The following SLC15A1 variants were observed in gnomAD, a reference collection of about 807,000 sequenced individuals.
SLC15A1 encodes Caco-2 oligopeptide transporter.
In SLC15A1, 83 loss-of-function variants were observed where a neutral mutation model predicts 92.9. The observed-to-expected ratio is 0.89, with a 90% CI of 0.75 to 1.07. SLC15A1 has a LOEUF of 1.07. Ranked by LOEUF, SLC15A1 falls within the 50% of genes least tolerant of loss-of-function variation. The probability of loss-of-function intolerance (pLI) is 0.00; values close to 1 mark genes in which losing one functional copy is unlikely to be tolerated. For synonymous variants in SLC15A1, 322 were observed against 318.2 expected (o/e 1.01, Z -0.13); for missense variants, 857 against 880.1 (o/e 0.97, Z 0.33).
chr13:98,734,907 A>G (rs2088379114), intron 1 of SLC15A1, among the ~76,000 whole-genome samples: 1 of 152,344 alleles, frequency 6.6e-6, no homozygotes, highest in East Asian at 1.9e-4. Flanking sequence ...TAAAGGTACA[A>G]AGAGGAGCTG....
At chr13:98,733,042 T>C (rs1209421720) in intron 1 of SLC15A1, among the ~76,000 whole-genome samples, 1 of 152,046 alleles carries the variant, frequency 6.6e-6, no homozygotes, top group East Asian at 1.9e-4. Flanking sequence ...TCAGAAAAGG[T>C]GAAAAGCAGG....
chr13:98,697,244 C>T (rs2088029769), intron 18 of SLC15A1, among the ~76,000 whole-genome samples: 3 of 152,016 alleles, frequency 2.0e-5, no homozygotes, highest in South Asian at 2.1e-4. Flanking sequence ...TTAGTAGAGA[C>T]GGAGTTTCAC....
chr13:98,746,208 TG>T lies in SLC15A1; in HGVS notation c.4+6386del, dbSNP rs543327472. Among the ~76,000 whole-genome samples, 81 of 152,374 alleles carry T rather than the reference TG, an allele frequency of 5.3e-4. 1 individual carries two copies. The South Asian group carries it at 8.9e-3, about 17-fold the overall frequency. Reference sequence around the variant, plus strand: ...GTTCCTATAAAGGACATGATCTTGTTGTTTTTTTATTGCTGCGTAGTATTCC... The same window carrying T: ...GTTCCTATAAAGGACATGATCTTGTTTTTTTTTATTGCTGCGTAGTATTCC... On this transcript the variant is annotated intron_variant, in intron 1 of 22. Coordinates refer to ENST00000376503, the MANE Select transcript of SLC15A1 (RefSeq NM_005073.4).
chr13:98,695,136 T>C (rs2088011809), intron 18 of SLC15A1, among the ~76,000 whole-genome samples: 1 of 152,204 alleles, frequency 6.6e-6, no homozygotes, highest in Non-Finnish European at 1.5e-5. Context: ...GGACACTCAC[T>C]TTCCTATTTA....
chr13:98,690,098 C>A (rs567238374), intron 18 of SLC15A1, among the ~76,000 whole-genome samples: 214 of 152,302 alleles, frequency 1.4e-3, no homozygotes, highest in Non-Finnish European at 2.1e-3. Context: ...TCCTACCAAA[C>A]ACATGAGTGA....
intron 1 of SLC15A1, among the ~76,000 whole-genome samples, chr13:98,745,339 T>C (rs1174140982): frequency 1.3e-5 from 2 of 152,204 alleles, no homozygotes; most frequent in African/African-American, 2.4e-5. Context: ...CTATAAGCCA[T>C]GGACATAGTT....
In SLC15A1 at chr13:98,702,509, C is replaced by G; in HGVS notation, c.1437G>C (p.Gln479His). The G allele has an allele frequency of 6.2e-7, 1 of 1,608,814 alleles. No homozygotes were observed. Among genetic ancestry groups the G allele is most frequent in the Non-Finnish European group, 8.5e-7 (1 of 1,175,502 alleles). Residue 479 changes from glutamine to histidine, a missense_variant, in exon 18 of 23, where the codon CAG becomes CAC. Gln to His is a conservative substitution (Grantham distance 24, BLOSUM62 0). Coordinates refer to ENST00000376503, the MANE Select transcript of SLC15A1 (RefSeq NM_005073.4). ...HYQVVKDGLN[Q>H]KPEKGENGIR... is the part of the protein sequence containing the mutation. ...TTCCATTTTCCCCTTTTTCTGGCTT[C>G]TGGTTAAGACCATCCTTTACCTGAG...
intron 8 of SLC15A1, 26 bp from the exon 9 acceptor site, chr13:98,715,986 C>T: frequency 6.2e-6 from 10 of 1,601,398 alleles, no homozygotes; most frequent in Non-Finnish European, 8.6e-6. Flanking sequence ...GAAGACATGT[C>T]AGCAAAGCAT....
intron 9 of SLC15A1, among the ~76,000 whole-genome samples, chr13:98,713,681 G>A: frequency 6.6e-6 from 1 of 152,184 alleles, no homozygotes. Flanking sequence ...CCTTTGGGAA[G>A]AGCAAAGTGC....
Position 98,687,698 on chromosome 13 carries a change from C to T in SLC15A1, c.1710G>A (p.Val570=), listed in dbSNP as rs1406034788. Reference sequence around the variant, plus strand: ...CTGTGTTGGCTGAAATATCTTCAAACACCTTCACTTCAGGGCAGCTGTCAT... The same window carrying T: ...CTGTGTTGGCTGAAATATCTTCAAATACCTTCACTTCAGGGCAGCTGTCAT... ...RKNDSCPEVK[V]FEDISANTVN... Residue 570 remains valine (V), a synonymous_variant, in exon 21 of 23, where the codon GTG becomes GTA. Transcript: ENST00000376503. 1 of 1,614,156 alleles carries T rather than the reference C, an allele frequency of 6.2e-7. No individual in the cohort carries two copies. The highest frequency in any genetic ancestry group is 2.2e-5 in the East Asian group (1 of 44,886).
rs555845354 is a variant in SLC15A1, at chr13:98,738,628, A to ACTTTTG, written c.5-11770_5-11769insCAAAAG. ...CACATGGTGTTAAGCCTGCAGGCGC[A>ACTTTTG]CAGACTGCAAAAGTGAGGGAGGCTT... On this transcript the variant is annotated intron_variant, in intron 1 of 22. Transcript: ENST00000376503. 8.5e-5 allele frequency among the ~76,000 whole-genome samples: 13 copies of ACTTTTG among 152,392 alleles called. No individual in the cohort carries two copies. The South Asian group carries it at 2.7e-3, about 32-fold the overall frequency.
chr13:98,718,907 C>T (rs536268979), intron 8 of SLC15A1, among the ~76,000 whole-genome samples: 3 of 152,198 alleles, frequency 2.0e-5, no homozygotes, highest in South Asian at 4.1e-4. Context: ...CCTGCCTTGG[C>T]CTCCCAAAGT....
At chr13:98,724,933 C>T (rs1396167562) in intron 4 of SLC15A1, among the ~76,000 whole-genome samples, 2 of 152,146 alleles carry the variant, frequency 1.3e-5, no homozygotes, top group Non-Finnish European at 2.9e-5. Flanking sequence ...AAACCTCAAG[C>T]TGAAATGTGA....
intron 9 of SLC15A1, 102 bp downstream of exon 9, chr13:98,715,776 A>C (rs2088207453): frequency 1.1e-6 from 1 of 942,234 alleles, no homozygotes; most frequent in African/African-American, 1.7e-5. Context: ...GAACACTAAA[A>C]ATATATTTAA....
At chr13:98,748,190 A>AAATACCTG (rs1330271791) in intron 1 of SLC15A1, among the ~76,000 whole-genome samples, 56 of 152,326 alleles carry the variant, frequency 3.7e-4, no homozygotes, top group African/African-American at 1.3e-3. Context: ...ATGGTTAAGT[A>AAATACCTG]AATACCTGCA....
chr13:98,701,493 T>TTA (rs971982838), intron 18 of SLC15A1, among the ~76,000 whole-genome samples: 49 of 150,964 alleles, frequency 3.2e-4, no homozygotes, highest in South Asian at 6.3e-4. Flanking sequence ...ATTTATTTAT[T>TTA]TATATATATA....
chr13:98,715,979 G>A lies in SLC15A1; in HGVS notation c.641-19C>T. 6.2e-7 allele frequency: 1 copy of A among 1,608,842 alleles called. No individual in the cohort carries two copies. Among genetic ancestry groups the A allele is most frequent in the African/African-American group, 1.3e-5 (1 of 74,908 alleles). ...AACACAACTAGATAGGGCAGAAGAA[G>A]ACATGTCAGCAAAGCATGTGACCGA... On this transcript the variant is annotated intron_variant, in intron 8 of 22. Transcript: ENST00000376503.
rs1486088945 is a variant in SLC15A1 at position 98,736,889 on chromosome 13, TTGG to T, written c.5-10033_5-10031del. Among the ~76,000 whole-genome samples, 10 of 151,890 alleles carry T rather than the reference TTGG, an allele frequency of 6.6e-5. 1 individual carries two copies. In the South Asian group the frequency reaches 1.9e-3, roughly 28 times the overall value. ...GAGAAATAGGAACACTTTTACACTG[TTGG>T]TGGGAGTGTAAACTAGTTCAACCAT... On this transcript the variant is annotated intron_variant, in intron 1 of 22. Transcript: ENST00000376503.
chr13:98,751,942 TTCTC>T (rs1486783939), intron 1 of SLC15A1, among the ~76,000 whole-genome samples: 2 of 152,208 alleles, frequency 1.3e-5, no homozygotes, highest in African/African-American at 2.4e-5. Flanking sequence ...CTTCCGTTCA[TTCTC>T]TCTGGGTCTG....
Sources: gnomAD v4.1 joint callset for allele counts (sites outside exome capture counted in the v4.1 genomes callset) on GRCh38, gnomAD v4.1.1 for gene constraint, MANE v1.5 for transcripts, NCBI Gene and HGNC (gene_info 2026-07-23, HGNC 2026-07-21) for gene names.